SLC30A3: variants seen among roughly 807,000 people sequenced by gnomAD.
The protein encoded by SLC30A3 is solute carrier family 30 member 3, also known as probable proton-coupled zinc antiporter SLC30A3.
Under a neutral mutation model 35.6 loss-of-function variants are expected in SLC30A3, and 20 were observed. That is an observed-to-expected ratio of 0.56 (90% CI 0.39 to 0.82). SLC30A3 has a LOEUF of 0.82. Among genes scored for constraint, SLC30A3 ranks in the 40% least tolerant of loss-of-function variants. The pLI, the probability that SLC30A3 is intolerant of heterozygous loss-of-function variation, is 0.00. For missense variants in SLC30A3, 401 were observed against 530.6 expected (o/e 0.76, Z 2.40); for synonymous variants, 217 against 224.7 (o/e 0.97, Z 0.31).
At position 27,255,080 on chromosome 2, in the gene SLC30A3, C is replaced by A; in HGVS notation, c.*232G>T. 6.7e-7 allele frequency: 1 copy of A among 1,486,544 alleles called. No homozygotes were observed. The highest frequency in any genetic ancestry group is 8.9e-7 in the Non-Finnish European group (1 of 1,117,768). 92.1% of individuals were successfully genotyped at this position (1,486,544 alleles called of 1,614,324 possible). On this transcript the variant is annotated 3_prime_UTR_variant, in exon 8 of 8. Coordinates refer to ENST00000233535, the MANE Select transcript of SLC30A3 (RefSeq NM_003459.5). The surrounding 1 kb of genome is among the most constrained non-coding windows in gnomAD (Gnocchi z 5.2). ...ACACTGAGGCCTGGGAGTCCCCGCC[C>A]CTGAACTAGTCACATCTATTCCCCT...
In SLC30A3 at chr2:27,258,754, G is replaced by A. The variant is rs201945217; in HGVS notation, c.276C>T (p.Val92=). ...VCFVFMAGEV[V]GGYLAHSLAI... is the part of the protein sequence containing the mutation. ...TTTAAGGGCTGCTCCCCAACTTACC[G>A]ACCACCTCCCCAGCCATGAAGACAA... is the stretch of plus-strand genomic sequence containing the variant. Residue 92 remains valine, a splice_region_variant and synonymous_variant, in exon 2 of 8, where the codon GTC becomes GTT. Coordinates refer to ENST00000233535, the MANE Select transcript of SLC30A3 (RefSeq NM_003459.5). The surrounding 1 kb of genome is among the most constrained non-coding windows in gnomAD (Gnocchi z 4.0). The A allele has an allele frequency of 1.8e-5, 29 of 1,613,858 alleles. No individual in the cohort carries two copies. The highest frequency in any genetic ancestry group is 2.1e-5 in the Non-Finnish European group (25 of 1,179,994).
upstream of SLC30A3, among the ~76,000 whole-genome samples, chr2:27,263,758 C>A (rs1677350603): frequency 6.8e-6 from 1 of 147,306 alleles, no homozygotes; most frequent in South Asian, 2.5e-4. Flanking sequence ...CCCCCATCCT[C>A]TTTCCCTCCC....
Position 27,257,643 on chromosome 2 carries a change from TG to T in SLC30A3, c.578+261del, listed in dbSNP as rs1175871158. The T allele has an allele frequency of 1.7e-6, 1 of 597,430 alleles. No homozygotes were observed. The highest frequency in any genetic ancestry group is 3.0e-6 in the Non-Finnish European group (1 of 336,676). The allele number at this position is 597,430 out of a possible 1,614,324, so 37.0% of individuals were successfully genotyped here. The stretch of plus-strand genomic sequence containing the variant: ...GGGTAATGCTACCTACCTCATGGGG[TG>T]GCTGTGAGGTTTAAATGCAATCATG... On this transcript the variant is annotated intron_variant, in intron 4 of 7. Coordinates refer to ENST00000233535, the MANE Select transcript of SLC30A3 (RefSeq NM_003459.5). The surrounding 1 kb of genome is among the most constrained non-coding windows in gnomAD (Gnocchi z 4.7).
rs1572468511 is a variant in SLC30A3 at position 27,256,786 on chromosome 2, A to G, written c.883+2T>C. On this transcript the variant is annotated splice_donor_variant, in intron 6 of 7. Coordinates refer to ENST00000233535, the MANE Select transcript of SLC30A3 (RefSeq NM_003459.5). LOFTEE classifies it high-confidence loss of function. ...GATGGGGAGCTGTGGTGCCCGACTC[A>G]CCTTCCATGAGGATTCGAAGAACGT... The G allele has an allele frequency of 6.3e-7, 1 of 1,591,870 alleles. No individual in the cohort carries two copies. The highest frequency in any genetic ancestry group is 1.7e-4 in the Middle Eastern group (1 of 5,962).
At chr2:27,263,136 C>T (rs1677314501), upstream of SLC30A3, 2 of 1,338,766 alleles carry the variant, frequency 1.5e-6, no homozygotes, top group East Asian at 3.2e-5. Flanking sequence ...CCTCCAGGCT[C>T]CCCGGCCTCT....
chr2:27,275,444 C>T (rs1471184909), upstream of SLC30A3: 7 of 352,870 alleles, frequency 2.0e-5, no homozygotes, highest in Admixed American at 2.7e-4. Context: ...CCCAGACCCT[C>T]AGCGTCGACG....
chr2:27,257,862 C>T lies in SLC30A3; in HGVS notation c.578+43G>A, dbSNP rs767882022. ...TCTCCCATCCTGGAGGAAGACCCCT[C>T]GCCCTGGGCCCCACAAGGTGCCTGC... On this transcript the variant is annotated intron_variant, in intron 4 of 7. Coordinates refer to ENST00000233535, the MANE Select transcript of SLC30A3 (RefSeq NM_003459.5). The surrounding 1 kb of genome is among the most constrained non-coding windows in gnomAD (Gnocchi z 4.7). The T allele has an allele frequency of 2.0e-5, 31 of 1,575,132 alleles. No homozygotes were observed. The highest frequency in any genetic ancestry group is 6.9e-5 in the East Asian group (3 of 43,288).
Position 27,255,266 on chromosome 2 carries a change from G to C in SLC30A3, c.*46C>G, listed in dbSNP as rs1327872870. The C allele has an allele frequency of 2.5e-6, 4 of 1,611,314 alleles. No homozygotes were observed. The highest frequency in any genetic ancestry group is 3.4e-6 in the Non-Finnish European group (4 of 1,178,468). ...TCAGGGCAGCAGATGCTGAGAGTCT[G>C]GGGCTGAGCCTCGGCCTGGCAGTGG... On this transcript the variant is annotated 3_prime_UTR_variant, in exon 8 of 8. Transcript: ENST00000233535. The surrounding 1 kb of genome is among the most constrained non-coding windows in gnomAD (Gnocchi z 5.2).
rs1440319044 is a variant in SLC30A3, at chr2:27,258,966, T to C, written c.96-32A>G. The stretch of plus-strand genomic sequence containing the variant: ...CAAGCAACATGGTTCAACCTGGGCC[T>C]GGCCCACAGGCTGGCCTGCTCACTC... On this transcript the variant is annotated intron_variant, in intron 1 of 7. Transcript: ENST00000233535. The surrounding 1 kb of genome is among the most constrained non-coding windows in gnomAD (Gnocchi z 4.0). 1.6e-5 allele frequency: 25 copies of C among 1,539,630 alleles called. No homozygotes were observed. The highest frequency in any genetic ancestry group is 1.8e-5 in the Non-Finnish European group (20 of 1,140,668).
At position 27,258,709 on chromosome 2, in the gene SLC30A3, C is replaced by A; in HGVS notation, c.277+44G>T. 4 of 1,599,360 alleles carry A rather than the reference C, an allele frequency of 2.5e-6. No individual in the cohort carries two copies. Among genetic ancestry groups the A allele is most frequent in the Non-Finnish European group, 3.4e-6 (4 of 1,167,914 alleles). ...GACTCTGGGTGGAGAGTGGCTTGGG[C>A]AGGTATTTGGAGAATGGGGTTTAAG... is the stretch of plus-strand genomic sequence containing the variant. On this transcript the variant is annotated intron_variant, in intron 2 of 7. Coordinates refer to ENST00000233535, the MANE Select transcript of SLC30A3 (RefSeq NM_003459.5). This position sits in a 1 kb window ranked among gnomAD's most constrained non-coding sequence, Gnocchi z 4.0.
rs1572481919 is a variant in SLC30A3 at position 27,262,851 on chromosome 2, CG to C, written c.55del (p.Arg19GlyfsTer12). Reference protein sequence around the residue: ...GLETTRLVSPRDRGGAGGSLR... With the variant: ...GLETTRLVSPXDRGGAGGSLR... Reference sequence around the variant, plus strand: ...GCTGCCTCCGGCGCCACCGCGGTCCCGGGGGCTCACCAGGCGAGTGGTCTCC... The same window carrying C: ...GCTGCCTCCGGCGCCACCGCGGTCCCGGGGCTCACCAGGCGAGTGGTCTCC... On this transcript the variant is annotated frameshift_variant, in exon 1 of 8. Coordinates refer to ENST00000233535, the MANE Select transcript of SLC30A3 (RefSeq NM_003459.5). LOFTEE classifies it high-confidence loss of function. The surrounding 1 kb of genome is among the most constrained non-coding windows in gnomAD (Gnocchi z 7.5). 12 of 1,566,214 alleles carry C rather than the reference CG, an allele frequency of 7.7e-6. No homozygotes were observed. Among genetic ancestry groups the C allele is most frequent in the Admixed American group, 5.7e-5 (3 of 52,286 alleles).
upstream of SLC30A3, among the ~76,000 whole-genome samples, chr2:27,265,211 C>T (rs866172304): frequency 5.3e-5 from 8 of 152,252 alleles, no homozygotes; most frequent in Admixed American, 2.6e-4. The surrounding 1 kb of genome is among the most constrained non-coding windows in gnomAD (Gnocchi z 5.9). Context: ...GGGGCGCAGA[C>T]GCCCTCACGT....
At chr2:27,263,266 G>A (rs113407226), upstream of SLC30A3, 39,590 of 496,080 alleles carry the variant, frequency 0.08, 1,912 homozygotes, top group Non-Finnish European at 0.11. Context: ...TCCCCCAGGC[G>A]AGCTAGCCCC....
At chr2:27,263,125 G>A, upstream of SLC30A3, 2 of 1,342,204 alleles carry the variant, frequency 1.5e-6, no homozygotes, top group Non-Finnish European at 1.9e-6. Context: ...CCCAAGCTCC[G>A]CCTCCAGGCT....
At position 27,258,603 on chromosome 2, in the gene SLC30A3, CCTA is replaced by C; in HGVS notation, c.277+147_277+149del. ...CCCTTTGTTGCTGTCCCTTATCCCT[CCTA>C]CTTCCTGAGTCCTGGGCACCCAGCT... On this transcript the variant is annotated intron_variant, in intron 2 of 7. Coordinates refer to ENST00000233535, the MANE Select transcript of SLC30A3 (RefSeq NM_003459.5). The surrounding 1 kb of genome is among the most constrained non-coding windows in gnomAD (Gnocchi z 4.0). The C allele has an allele frequency of 1.2e-6, 1 of 860,088 alleles. No individual in the cohort carries two copies. The highest frequency in any genetic ancestry group is 1.6e-5 in the South Asian group (1 of 61,450). The allele number at this position is 860,088 out of a possible 1,614,324, so 53.3% of individuals were successfully genotyped here.
chr2:27,259,968 C>A (rs576905572), intron 1 of SLC30A3, among the ~76,000 whole-genome samples: 54 of 152,232 alleles, frequency 3.5e-4, no homozygotes, highest in African/African-American at 1.3e-3. Context: ...TAAGAGGTAA[C>A]ATGAGAAGGG....
chr2:27,254,788 AC>A lies in SLC30A3; in HGVS notation c.*523del. The A allele has an allele frequency of 3.6e-6, 1 of 280,310 alleles. No individual in the cohort carries two copies. The allele number at this position is 280,310 out of a possible 1,614,324, so 17.4% of individuals were successfully genotyped here. A position where few individuals can be genotyped will look rare whatever the true frequency, so the allele number is the denominator to read the frequency against. ...CACACACACACACACACACACACACACACACACACACAGACAAAACCACAGG... is the reference window on the plus strand; with the variant it reads ...CACACACACACACACACACACACACAACACACACACAGACAAAACCACAGG... On this transcript the variant is annotated 3_prime_UTR_variant, in exon 8 of 8. Transcript: ENST00000233535.
In SLC30A3 at chr2:27,255,319, T is replaced by TG. The variant is rs747206800; in HGVS notation, c.1159dup (p.Gln387ProfsTer27). On this transcript the variant is annotated frameshift_variant, in exon 8 of 8. Coordinates refer to ENST00000233535, the MANE Select transcript of SLC30A3 (RefSeq NM_003459.5). LOFTEE classifies it high-confidence loss of function. The surrounding 1 kb of genome is among the most constrained non-coding windows in gnomAD (Gnocchi z 5.2). Reference sequence around the variant, plus strand: ...TGAGGGCAGGGCCATGGCTCAGGCTTGGGGGGGTTCCTGGCAGCGCAGGCA... The same window carrying TG: ...TGAGGGCAGGGCCATGGCTCAGGCTTGGGGGGGGTTCCTGGCAGCGCAGGCA... 44 of 1,613,608 alleles carry TG rather than the reference T, an allele frequency of 2.7e-5. No individual in the cohort carries two copies. The Middle Eastern group carries it at 4.9e-4, about 18-fold the overall frequency.
rs968282354 is a variant in SLC30A3, at chr2:27,271,205, A to G, written c.-159+3972T>C. Among the ~76,000 whole-genome samples, 3 of 152,216 alleles carry G rather than the reference A, an allele frequency of 2.0e-5. No individual in the cohort carries two copies. Among genetic ancestry groups the G allele is most frequent in the African/African-American group, 7.2e-5 (3 of 41,448 alleles). On this transcript the variant is annotated intron_variant, in intron 1 of 5. Transcript: ENST00000424577. The surrounding 1 kb of genome is among the most constrained non-coding windows in gnomAD (Gnocchi z 4.3). ...TTGTGATCTCTCTCTCTCCCACTGC[A>G]TATGTTCCAGAGCGTGGTATTTTGG...
Sources: allele counts gnomAD v4.1 joint callset (sites outside exome capture counted in the v4.1 genomes callset), GRCh38; gene constraint gnomAD v4.1.1; non-coding constraint Gnocchi (gnomAD v3.1); transcripts MANE v1.5; gene names NCBI Gene and HGNC (gene_info 2026-07-23, HGNC 2026-07-21).